CFTR: variants seen among roughly 807,000 people sequenced by gnomAD.
CFTR encodes the protein CF transmembrane conductance regulator.
A neutral mutation model predicts 171.6 loss-of-function variants in CFTR; 181 were observed. That is an observed-to-expected ratio of 1.05 (90% CI 0.93 to 1.19). CFTR has a LOEUF of 1.19. Among genes scored for constraint, CFTR ranks in the 50% most tolerant of loss-of-function variants. The pLI is 0.00. For missense variants in CFTR, 1,968 were observed against 1,734.7 expected (o/e 1.13, Z -2.39); for synonymous variants, 583 against 608.0 (o/e 0.96, Z 0.60).
chr7:117,522,773 T>C (rs930096051), intron 3 of CFTR, among the ~76,000 whole-genome samples: 8 of 152,138 alleles, frequency 5.3e-5, no homozygotes, highest in Non-Finnish European at 1.0e-4. Context: ...CTGGGGATAA[T>C]TTTTGTGAAG....
intron 2 of CFTR, 44 bp downstream of exon 2, chr7:117,504,407 TATTA>T (rs761109907): frequency 4.2e-6 from 4 of 951,586 alleles, no homozygotes; most frequent in South Asian, 1.3e-5. Flanking sequence ...AAATTCATAT[TATTA>T]ATTATTTAGA....
intron 21 of CFTR, among the ~76,000 whole-genome samples, chr7:117,623,758 T>G (rs1293263935): frequency 6.6e-6 from 1 of 152,080 alleles, no homozygotes; most frequent in Non-Finnish European, 1.5e-5. Context: ...ATGAATTCAT[T>G]TATTATTAAC....
At chr7:117,578,387 T>C (rs1791802176) in intron 11 of CFTR, among the ~76,000 whole-genome samples, 1 of 152,178 alleles carries the variant, frequency 6.6e-6, no homozygotes, top group Non-Finnish European at 1.5e-5. Flanking sequence ...GCTTGCTTTA[T>C]TGTAATAATA....
At chr7:117,555,472 G>A (rs1035491587) in intron 10 of CFTR, among the ~76,000 whole-genome samples, 11 of 152,156 alleles carry the variant, frequency 7.2e-5, no homozygotes, top group East Asian at 3.9e-4. Flanking sequence ...AATCATCTCC[G>A]TGTGAGCAGT....
In CFTR at chr7:117,606,226, T is replaced by C. The variant is rs1387081293; in HGVS notation, c.2909-448T>C. 4.6e-5 allele frequency among the ~76,000 whole-genome samples: 7 copies of C among 152,008 alleles called. No individual in the cohort carries two copies. The East Asian group carries it at 1.3e-3, about 29-fold the overall frequency. The stretch of plus-strand genomic sequence containing the variant: ...GCAGGGAGAGAGAGCAGCCAGGGTT[T>C]CGGTAGAGGTATGTCAAAAAGGTAT... On this transcript the variant is annotated intron_variant, in intron 17 of 26. Transcript: ENST00000003084.
chr7:117,492,043 G>A (rs1027916424), intron 1 of CFTR, among the ~76,000 whole-genome samples: 1 of 151,986 alleles, frequency 6.6e-6, no homozygotes, highest in Non-Finnish European at 1.5e-5. Flanking sequence ...ATCCAAGAAG[G>A]TCATAAGAAA....
intron 2 of CFTR, among the ~76,000 whole-genome samples, chr7:117,508,490 G>T (rs1211226095): frequency 6.6e-6 from 1 of 152,186 alleles, no homozygotes; most frequent in Non-Finnish European, 1.5e-5. Context: ...AGTTGAAAAT[G>T]AAGTTTAATG....
At chr7:117,606,174 A>G (rs1792297303) in intron 17 of CFTR, among the ~76,000 whole-genome samples, 1 of 152,148 alleles carries the variant, frequency 6.6e-6, no homozygotes, top group African/African-American at 2.4e-5. Context: ...AGAGAGTATG[A>G]CAAAGGAGGA....
intron 11 of CFTR, among the ~76,000 whole-genome samples, chr7:117,571,294 T>C (rs1562902074): frequency 6.6e-6 from 1 of 152,064 alleles, no homozygotes; most frequent in Non-Finnish European, 1.5e-5. Flanking sequence ...TGTTAGGAAA[T>C]CCAGAGCAGG....
chr7:117,486,282 T>C (rs1302208379), intron 1 of CFTR, among the ~76,000 whole-genome samples: 1 of 152,182 alleles, frequency 6.6e-6, no homozygotes. Flanking sequence ...TTGTAGGTCA[T>C]GATTCTGGGT....
chr7:117,595,127 A>G lies in CFTR; in HGVS notation c.2619+69A>G. The G allele has an allele frequency of 4.7e-6, 6 of 1,263,286 alleles. No individual in the cohort carries two copies. The South Asian group carries it at 4.8e-5, about 10-fold the overall frequency. The allele number at this position is 1,263,286 out of a possible 1,614,324, so 78.3% of individuals were successfully genotyped here. A position where few individuals can be genotyped will look rare whatever the true frequency, so the allele number is the denominator to read the frequency against. On this transcript the variant is annotated intron_variant, in intron 15 of 26. Transcript: ENST00000003084. ...ATTAAGATAGTTTGGGGATGTATAC[A>G]TATATATGCACACACATAAATATGT...
chr7:117,661,200 G>A (rs931848804), intron 24 of CFTR, among the ~76,000 whole-genome samples: 4 of 152,196 alleles, frequency 2.6e-5, no homozygotes, highest in African/African-American at 9.6e-5. Flanking sequence ...TATTAACTAT[G>A]TTGACTTTTC....
chr7:117,557,393 G>C (rs1188802932), intron 10 of CFTR, among the ~76,000 whole-genome samples: 1 of 152,002 alleles, frequency 6.6e-6, no homozygotes, highest in Non-Finnish European at 1.5e-5. Flanking sequence ...GTTCAATTCA[G>C]ATATTAAATG....
In CFTR at chr7:117,536,635, GGAA is replaced by G. The variant is rs397508801; in HGVS notation, c.836_838del (p.Glu279del). The G allele has an allele frequency of 6.2e-7, 1 of 1,611,604 alleles. No homozygotes were observed. Among genetic ancestry groups the G allele is most frequent in the Non-Finnish European group, 8.5e-7 (1 of 1,179,094 alleles). On this transcript the variant is annotated inframe_deletion, in exon 7 of 27. Coordinates refer to ENST00000003084, the MANE Select transcript of CFTR (RefSeq NM_000492.4). The stretch of plus-strand genomic sequence containing the variant: ...TCCAATCTGTTAAGGCATACTGCTG[GGAA>G]GAAGCAATGGAAAAAATGATTGAAA...
intron 3 of CFTR, among the ~76,000 whole-genome samples, chr7:117,520,272 T>C (rs1355439974): frequency 1.3e-5 from 2 of 151,144 alleles, no homozygotes; most frequent in Non-Finnish European, 3.0e-5. Flanking sequence ...TGAGTTTTTT[T>C]TTTTTTTTTT....
At chr7:117,516,076 G>A (rs1451863911) in intron 3 of CFTR, among the ~76,000 whole-genome samples, 2 of 152,168 alleles carry the variant, frequency 1.3e-5, no homozygotes, top group Non-Finnish European at 2.9e-5. Context: ...GATATGAGAC[G>A]ATGAGATATT....
intron 3 of CFTR, among the ~76,000 whole-genome samples, chr7:117,516,286 T>TCA (rs1798595227): frequency 6.6e-6 from 1 of 152,158 alleles, no homozygotes; most frequent in Non-Finnish European, 1.5e-5. Context: ...ATAACATAAC[T>TCA]TATTTTATGA....
chr7:117,633,266 T>G (rs1792777566), intron 22 of CFTR, among the ~76,000 whole-genome samples: 1 of 152,208 alleles, frequency 6.6e-6, no homozygotes, highest in Non-Finnish European at 1.5e-5. Flanking sequence ...TTTTGAGGAA[T>G]GCCAATGTAA....
intron 1 of CFTR, chr7:117,487,878 C>T (rs1798099084): frequency 6.6e-6 from 1 of 152,088 alleles, no homozygotes; most frequent in African/African-American, 2.4e-5. Context: ...AGGGCTAAAC[C>T]TTAGAGTCCA....
Sources: gnomAD v4.1 joint callset for allele counts (sites outside exome capture counted in the v4.1 genomes callset) on GRCh38, gnomAD v4.1.1 for gene constraint, MANE v1.5 for transcripts, NCBI Gene and HGNC (gene_info 2026-07-23, HGNC 2026-07-21) for gene names.